CA13: variants seen among roughly 807,000 people sequenced by gnomAD.
CA13 encodes CA-XIII.
A neutral mutation model predicts 31.5 loss-of-function variants in CA13; 21 were observed. That is an observed-to-expected ratio of 0.67 (90% CI 0.47 to 0.96). CA13 has a LOEUF of 0.96. Among genes scored for constraint, CA13 ranks in the 40% least tolerant of loss-of-function variants. The pLI is 0.00. For synonymous variants in CA13, 117 were observed against 111.4 expected (o/e 1.05, Z -0.32); for missense variants, 315 against 318.9 (o/e 0.99, Z 0.09).
At chr8:85,260,557 T>G (rs6993387) in intron 3 of CA13, among the ~76,000 whole-genome samples, 1 of 152,014 alleles carries the variant, frequency 6.6e-6, no homozygotes, top group Non-Finnish European at 1.5e-5. Flanking sequence ...CTTTCAGGTT[T>G]TCATCTGAAA....
chr8:85,267,021 A>C (rs1367317480), intron 4 of CA13, among the ~76,000 whole-genome samples: 1 of 152,226 alleles, frequency 6.6e-6, no homozygotes, highest in Non-Finnish European at 1.5e-5. Flanking sequence ...TTAGGACAGA[A>C]TAAAGTTCAA....
chr8:85,281,200 G>T (rs762929073), intron 6 of CA13, 30 bp from the exon 7 acceptor site: 18 of 1,603,244 alleles, frequency 1.1e-5, no homozygotes, highest in African/African-American at 2.7e-5. Context: ...GAATTTCTAT[G>T]CTGAAGCTAA....
chr8:85,249,029 C>T (rs1247053939), intron 1 of CA13, among the ~76,000 whole-genome samples: 1 of 152,152 alleles, frequency 6.6e-6, no homozygotes, highest in Non-Finnish European at 1.5e-5. Flanking sequence ...ACATTCTAAG[C>T]AAGGACTTCT....
At chr8:85,266,159 A>T (rs1352360044) in intron 3 of CA13, among the ~76,000 whole-genome samples, 2 of 152,170 alleles carry the variant, frequency 1.3e-5, no homozygotes, top group Admixed American at 6.5e-5. Context: ...TTAGGGCTGA[A>T]GGGGCTGTGA....
At position 85,263,189 on chromosome 8, in the gene CA13, A is replaced by G. The variant is rs377157603; in HGVS notation, c.355-3419A>G. 6.7e-4 allele frequency among the ~76,000 whole-genome samples: 102 copies of G among 152,300 alleles called. 3 individuals carry two copies. The East Asian group carries it at 7.1e-3, about 11-fold the overall frequency. On this transcript the variant is annotated intron_variant, in intron 3 of 6. Coordinates refer to ENST00000321764, the MANE Select transcript of CA13 (RefSeq NM_198584.3). The stretch of plus-strand genomic sequence containing the variant: ...TTCAAGAGGAGAAAGTCATTGGCCT[A>G]TTAGGATTGGAATTAATGAGAAAGG...
chr8:85,247,207 C>A (rs931803311), intron 1 of CA13, among the ~76,000 whole-genome samples: 2 of 152,058 alleles, frequency 1.3e-5, no homozygotes, highest in Non-Finnish European at 2.9e-5. Flanking sequence ...CTGCTGAAGT[C>A]GTTTTTATTG....
intron 6 of CA13, among the ~76,000 whole-genome samples, chr8:85,277,845 G>T (rs1371375174): frequency 6.6e-6 from 1 of 152,132 alleles, no homozygotes; most frequent in African/African-American, 2.4e-5. Context: ...CTCCCTCTCA[G>T]TCTTCAGAGG....
intron 2 of CA13, among the ~76,000 whole-genome samples, chr8:85,253,252 CTTATTTATTTAT>C (rs140596684): frequency 6.7e-6 from 1 of 149,512 alleles, no homozygotes; most frequent in African/African-American, 2.5e-5. Context: ...GCCTTTTTTT[CTTATTTATTTAT>C]TTATTTATTT....
intron 2 of CA13, among the ~76,000 whole-genome samples, chr8:85,255,411 C>T (rs539004413): frequency 1.2e-4 from 19 of 152,136 alleles, no homozygotes; most frequent in South Asian, 1.0e-3. Context: ...TACAGGCGCA[C>T]GTCACCATGC....
At chr8:85,262,774 G>T (rs1807402238) in intron 3 of CA13, among the ~76,000 whole-genome samples, 1 of 152,138 alleles carries the variant, frequency 6.6e-6, no homozygotes. Flanking sequence ...ATAAATGAGA[G>T]TGCAGGTAGA....
Position 85,281,221 on chromosome 8 carries a change from C to G in CA13, c.670-9C>G. On this transcript the variant is annotated splice_polypyrimidine_tract_variant and intron_variant, in intron 6 of 6. Transcript: ENST00000321764. Reference sequence around the variant, plus strand: ...CTATGCTGAAGCTAACTCTTTTCTTCTTCTACAGCTGGCCAAATTTCGCAG... The same window carrying G: ...CTATGCTGAAGCTAACTCTTTTCTTGTTCTACAGCTGGCCAAATTTCGCAG... 1 of 1,611,676 alleles carries G rather than the reference C, an allele frequency of 6.2e-7. No homozygotes were observed. Among genetic ancestry groups the G allele is most frequent in the Non-Finnish European group, 8.5e-7 (1 of 1,178,344 alleles).
At chr8:85,267,191 C>T (rs1490358786) in intron 4 of CA13, 1 of 962,998 alleles carries the variant, frequency 1.0e-6, no homozygotes, top group Non-Finnish European at 1.2e-6. Flanking sequence ...GGCTTCTCAC[C>T]TCCCTCTGCC....
chr8:85,245,770 C>T lies in CA13; in HGVS notation c.-59C>T, dbSNP rs1813713051. On this transcript the variant is annotated 5_prime_UTR_variant, in exon 1 of 7. Coordinates refer to ENST00000321764, the MANE Select transcript of CA13 (RefSeq NM_198584.3). ...AGGCTCCTTCCCGGGCCCCTCCCCG[C>T]TCCCTCCTCTTTCTCGCTGCTCAGT... is the stretch of plus-strand genomic sequence containing the variant. The T allele has an allele frequency of 5.0e-6, 8 of 1,596,976 alleles. No individual in the cohort carries two copies. Among genetic ancestry groups the T allele is most frequent in the Admixed American group, 3.3e-5 (2 of 59,966 alleles).
Position 85,266,722 on chromosome 8 carries a change from C to A in CA13, c.450+19C>A. The A allele has an allele frequency of 1.3e-6, 2 of 1,570,210 alleles. No homozygotes were observed. Among genetic ancestry groups the A allele is most frequent in the South Asian group, 1.1e-5 (1 of 89,686 alleles). On this transcript the variant is annotated intron_variant, in intron 4 of 6. Coordinates refer to ENST00000321764, the MANE Select transcript of CA13 (RefSeq NM_198584.3). ...TTTACAGGTGAGAATCTACTGTTTTCATTTTAAATGATCAGCCTTGTTGAA... is the reference window on the plus strand; with the variant it reads ...TTTACAGGTGAGAATCTACTGTTTTAATTTTAAATGATCAGCCTTGTTGAA...
At position 85,282,230 on chromosome 8, in the gene CA13, T is replaced by C. The variant is rs1807719520; in HGVS notation, c.*881T>C. 6.6e-6 allele frequency: 1 copy of C among 152,600 alleles called. No individual in the cohort carries two copies. The highest frequency in any genetic ancestry group is 2.4e-5 in the African/African-American group (1 of 41,464). 9.5% of individuals were successfully genotyped at this position (152,600 alleles called of 1,614,324 possible). A position where few individuals can be genotyped will look rare whatever the true frequency, so the allele number is the denominator to read the frequency against. ...AGAGTTAAGGGCAATGGGATAAAGC[T>C]ACTTAATGTGTCTCCTCCACTGATC... On this transcript the variant is annotated 3_prime_UTR_variant, in exon 7 of 7. Transcript: ENST00000321764.
chr8:85,246,077 G>T (rs1311515869), intron 1 of CA13, among the ~76,000 whole-genome samples: 1 of 152,206 alleles, frequency 6.6e-6, no homozygotes, highest in Non-Finnish European at 1.5e-5. Context: ...GGATGTGAGC[G>T]TTGGTGTGTG....
chr8:85,274,025 C>T (rs755931859), intron 6 of CA13, among the ~76,000 whole-genome samples: 11 of 151,908 alleles, frequency 7.2e-5, no homozygotes, highest in East Asian at 2.0e-4. Context: ...ATGTGTCTTC[C>T]GGCCAGCTCT....
At chr8:85,267,686 C>T (rs747828306) in intron 4 of CA13, among the ~76,000 whole-genome samples, 1 of 152,162 alleles carries the variant, frequency 6.6e-6, no homozygotes, top group Non-Finnish European at 1.5e-5. Flanking sequence ...GCTGAAAGTT[C>T]AGTACAGGAA....
At chr8:85,245,932 G>C (rs1489734978) in intron 1 of CA13, 67 bp downstream of exon 1, 1 of 1,573,930 alleles carries the variant, frequency 6.4e-7, no homozygotes, top group Non-Finnish European at 8.7e-7. Flanking sequence ...GCGACGCCCC[G>C]GCGCTCGCTG....
Sources: allele counts gnomAD v4.1 joint callset (sites outside exome capture counted in the v4.1 genomes callset), GRCh38; gene constraint gnomAD v4.1.1; transcripts MANE v1.5; gene names NCBI Gene and HGNC (gene_info 2026-07-23, HGNC 2026-07-21).